The following TSPEAR variants were observed in gnomAD, a reference collection of about 807,000 sequenced individuals.
TSPEAR encodes the protein thrombospondin type laminin G domain and EAR repeats.
TSPEAR carries 69 observed loss-of-function variants against 71.6 expected under a neutral mutation model. The observed-to-expected ratio is 0.96, with a 90% confidence interval of 0.79 to 1.18. TSPEAR has a LOEUF of 1.18. Ranked by LOEUF, TSPEAR falls within the 50% of genes most tolerant of loss-of-function variation. The pLI, the probability that TSPEAR is intolerant of heterozygous loss-of-function variation, is 0.00. For synonymous variants in TSPEAR, 402 were observed against 387.2 expected, an observed-to-expected ratio of 1.04 and a Z score of -0.45; for missense variants, 971 against 894.9, an observed-to-expected ratio of 1.09 and a Z score of -1.09.
chr21:44,647,426 T>G, intron 1 of TSPEAR: 2 of 1,538,534 alleles, frequency 1.3e-6, no homozygotes, highest in Non-Finnish European at 1.8e-6. Context: ...CAGGAGCCCC[T>G]GGAGTCCTCA....
chr21:44,514,702 ACTC>A (rs1234180994), intron 9 of TSPEAR, among the ~76,000 whole-genome samples: 3 of 151,902 alleles, frequency 2.0e-5, no homozygotes, highest in Non-Finnish European at 2.9e-5. Flanking sequence ...GACAGAGCTC[ACTC>A]CTCCTTTGGT....
chr21:44,599,134 T>TTCTCTCTCTCTCTCTCTCTCTC (rs58774528), intron 1 of TSPEAR, among the ~76,000 whole-genome samples: 3,779 of 92,052 alleles, frequency 0.041, 700 homozygotes, highest in East Asian at 0.075. Context: ...GGCCCCCATT[T>TTCTCTCTCTCTCTCTCTCTCTC]TCTCTCTCTC....
In TSPEAR at chr21:44,592,351, G is replaced by A. The variant is rs367621282; in HGVS notation, c.83-24346C>T. 5.4e-6 allele frequency: 4 copies of A among 740,784 alleles called. No homozygotes were observed. Among genetic ancestry groups the A allele is most frequent in the African/African-American group, 4.1e-5 (2 of 49,372 alleles). The allele number at this position is 740,784 out of a possible 1,614,324, so 45.9% of individuals were successfully genotyped here. ...CAGGCAGGGGGCCGGGGCGCAGCAG[G>A]GGGGCTCACAGCAGCTCTCTGGGCA... On this transcript the variant is annotated intron_variant, in intron 1 of 11. Coordinates refer to ENST00000323084, the MANE Select transcript of TSPEAR (RefSeq NM_144991.3).
intron 1 of TSPEAR, among the ~76,000 whole-genome samples, chr21:44,568,457 T>C (rs1555922083): frequency 6.6e-6 from 1 of 152,156 alleles, no homozygotes; most frequent in Non-Finnish European, 1.5e-5. Context: ...TGTGCTGCCC[T>C]TGGGTGCTGT....
intron 1 of TSPEAR, chr21:44,580,217 C>T (rs1442608287): frequency 6.2e-7 from 1 of 1,614,072 alleles, no homozygotes; most frequent in Non-Finnish European, 8.5e-7. Context: ...GGAAGAGGCA[C>T]AGCAAGTTGG....
chr21:44,677,809 C>CAG (rs1198818955), intron 1 of TSPEAR: 1 of 1,289,322 alleles, frequency 7.8e-7, no homozygotes, highest in African/African-American at 1.5e-5. Context: ...TTATAAGGTG[C>CAG]AGAACCAAGA....
chr21:44,553,671 G>GC (rs2053482284), intron 2 of TSPEAR, among the ~76,000 whole-genome samples: 2 of 152,142 alleles, frequency 1.3e-5, no homozygotes, highest in Non-Finnish European at 2.9e-5. Context: ...ATGGACAGAG[G>GC]TGTGTGTATT....
At chr21:44,676,143 C>A in intron 1 of TSPEAR, 1 of 955,190 alleles carries the variant, frequency 1.0e-6, no homozygotes, top group South Asian at 1.3e-5. Context: ...GGAATAGAAG[C>A]AGGGACTGCA....
intron 1 of TSPEAR, among the ~76,000 whole-genome samples, chr21:44,709,770 G>A (rs1988123594): frequency 6.6e-6 from 1 of 152,262 alleles, no homozygotes; most frequent in African/African-American, 2.4e-5. Flanking sequence ...CAGAGCGAGC[G>A]CGCGCCTGTG....
intron 1 of TSPEAR, among the ~76,000 whole-genome samples, chr21:44,644,757 G>A (rs1555939139): frequency 6.6e-6 from 1 of 152,096 alleles, no homozygotes; most frequent in African/African-American, 2.4e-5. Flanking sequence ...GTCATAAAAA[G>A]AGAGACCAGG....
chr21:44,499,972 G>A, intron 11 of TSPEAR, 36 bp from the exon 12 acceptor site: 3 of 1,561,770 alleles, frequency 1.9e-6, no homozygotes, highest in Non-Finnish European at 2.6e-6. Context: ...GTCAGCCTGG[G>A]CTCTGCGGGG....
At chr21:44,579,780 A>T (rs782605740) in intron 1 of TSPEAR, 8 of 1,612,052 alleles carry the variant, frequency 5.0e-6, no homozygotes, top group Non-Finnish European at 6.8e-6. Context: ...GCCAGGGGGG[A>T]GCACGCGGGG....
At chr21:44,507,296 A>G (rs2052225815) in intron 10 of TSPEAR, among the ~76,000 whole-genome samples, 1 of 152,156 alleles carries the variant, frequency 6.6e-6, no homozygotes, top group Admixed American at 6.5e-5. Context: ...GATTTAATAG[A>G]ACTACTGAAT....
At chr21:44,669,889 A>G (rs2146280084) in intron 1 of TSPEAR, among the ~76,000 whole-genome samples, 1 of 152,310 alleles carries the variant, frequency 6.6e-6, no homozygotes, top group East Asian at 1.9e-4. Context: ...TGGGAACAAC[A>G]GGCCTGCCCA....
At chr21:44,557,975 A>G in intron 2 of TSPEAR, 18 of 1,519,700 alleles carry the variant, frequency 1.2e-5, no homozygotes, top group Middle Eastern at 1.8e-4. Context: ...AGACTCAGAC[A>G]GGGCTCAGGG....
At chr21:44,502,787 C>G (rs1365943219) in intron 11 of TSPEAR, among the ~76,000 whole-genome samples, 1 of 152,238 alleles carries the variant, frequency 6.6e-6, no homozygotes, top group Non-Finnish European at 1.5e-5. Context: ...GTGGCACCTG[C>G]GAGAGAAGGT....
chr21:44,520,404 C>T lies in TSPEAR; in HGVS notation c.1566+1479G>A, dbSNP rs1330649012. ...CCCTGACATCTGCTCTCCTCGTGCCCTGAACATCCACGTAAAGCTGCCCTT... is the reference window on the plus strand; with the variant it reads ...CCCTGACATCTGCTCTCCTCGTGCCTTGAACATCCACGTAAAGCTGCCCTT... On this transcript the variant is annotated intron_variant, in intron 9 of 11. Coordinates refer to ENST00000323084, the MANE Select transcript of TSPEAR (RefSeq NM_144991.3). The surrounding 1 kb of genome is among the most constrained non-coding windows in gnomAD (Gnocchi z 4.2). 2 of 152,132 alleles carry T rather than the reference C, an allele frequency of 1.3e-5. No individual in the cohort carries two copies. Among genetic ancestry groups the T allele is most frequent in the African/African-American group, 4.8e-5 (2 of 41,420 alleles). The allele number at this position is 152,132 out of a possible 1,614,324, so 9.4% of individuals were successfully genotyped here.
chr21:44,654,522 A>G (rs1555942178), intron 1 of TSPEAR: 1 of 1,613,200 alleles, frequency 6.2e-7, no homozygotes, highest in Non-Finnish European at 8.5e-7. Context: ...AGGAGGTCCC[A>G]TAGCCCTCGG....
At chr21:44,530,345 C>T (rs781997716) in intron 4 of TSPEAR, among the ~76,000 whole-genome samples, 22 of 151,880 alleles carry the variant, frequency 1.4e-4, no homozygotes, top group Non-Finnish European at 7.4e-5. Flanking sequence ...TCCATTCATC[C>T]ATGCATTCAT....
Sources: gnomAD v4.1 joint callset for allele counts (sites outside exome capture counted in the v4.1 genomes callset) on GRCh38, gnomAD v4.1.1 for gene constraint, Gnocchi (gnomAD v3.1) non-coding constraint, MANE v1.5 for transcripts, NCBI Gene and HGNC (gene_info 2026-07-23, HGNC 2026-07-21) for gene names.